The following TSPAN32 variants were observed in gnomAD, a reference collection of about 807,000 sequenced individuals.
The protein encoded by TSPAN32 is tetraspanin 32.
TSPAN32 carries 47 observed loss-of-function variants against 42.7 expected under a neutral mutation model. The ratio of observed to expected loss-of-function variants is 1.10; its 90% CI spans 0.87 to 1.40. The LOEUF is 1.40. Among genes scored for constraint, TSPAN32 ranks in the 40% most tolerant of loss-of-function variants. TSPAN32 has a pLI of 0.00. For synonymous variants in TSPAN32, 175 were observed against 175.9 expected, an observed-to-expected ratio of 0.99 and a Z score of 0.04; for missense variants, 469 against 424.1, an observed-to-expected ratio of 1.11 and a Z score of -0.93.
Position 2,313,100 on chromosome 11 carries a change from T to A in TSPAN32, c.355-554T>A, listed in dbSNP as rs903929603. ...ACCTTCTTCACCCCCTGCCCCACAG[T>A]GGCCTCGTCCACCCAGATCTGGCCT... On this transcript the variant is annotated intron_variant, in intron 4 of 9. Transcript: ENST00000182290. This position sits in a 1 kb window ranked among gnomAD's most constrained non-coding sequence, Gnocchi z 9.1. Among the ~76,000 whole-genome samples, 1 of 152,162 alleles carries A rather than the reference T, an allele frequency of 6.6e-6. No homozygotes were observed. Among genetic ancestry groups the A allele is most frequent in the Non-Finnish European group, 1.5e-5 (1 of 68,016 alleles).
intron 6 of TSPAN32, chr11:2,314,896 C>T: frequency 2.5e-6 from 1 of 395,726 alleles, no homozygotes; most frequent in Non-Finnish European, 4.7e-6. Flanking sequence ...GCTAAGTCCA[C>T]AGAAGCCTCT....
intron 3 of TSPAN32, among the ~76,000 whole-genome samples, chr11:2,308,319 T>A (rs1323419475): frequency 6.6e-6 from 1 of 151,964 alleles, no homozygotes; most frequent in African/African-American, 2.4e-5. Flanking sequence ...AGCATCCTGC[T>A]GGGGGCGCAG....
At chr11:2,303,654 G>A (rs1847900227) in intron 2 of TSPAN32, among the ~76,000 whole-genome samples, 1 of 152,108 alleles carries the variant, frequency 6.6e-6, no homozygotes, top group Non-Finnish European at 1.5e-5. Context: ...TTTTCCCCAA[G>A]TCCTAGGACC....
chr11:2,317,467 G>C lies in TSPAN32; in HGVS notation c.843G>C (p.Trp281Cys). 1 of 1,600,842 alleles carries C rather than the reference G, an allele frequency of 6.2e-7. No individual in the cohort carries two copies. The highest frequency in any genetic ancestry group is 1.1e-5 in the South Asian group (1 of 88,938). Residue 281 changes from tryptophan to cysteine, a missense_variant, in exon 9 of 10, where the codon TGG becomes TGC. Trp to Cys is a radical substitution (Grantham distance 215). Transcript: ENST00000182290. This position sits in a 1 kb window ranked among gnomAD's most constrained non-coding sequence, Gnocchi z 6.2. ...GAGGATGCTCGGGTAGTCTTCGGTG[G>C]CTGCAGGAGAGCGATGCTGCGCCTC... ...GPRGCSGSLR[W>C]LQESDAAPLP...
At position 2,302,109 on chromosome 11, in the gene TSPAN32, G is replaced by C. The variant is rs1306789663; in HGVS notation, c.-41G>C. On this transcript the variant is annotated 5_prime_UTR_variant, in exon 1 of 10. Transcript: ENST00000182290. ...CCCCTGCCCAGCTGGAAACCACAGG[G>C]AGGGGAAGGGAGGGGAGGAGAGGAG... is the stretch of plus-strand genomic sequence containing the variant. The C allele has an allele frequency of 6.7e-7, 1 of 1,485,812 alleles. No individual in the cohort carries two copies. The highest frequency in any genetic ancestry group is 2.4e-5 in the East Asian group (1 of 42,102). 92.0% of individuals were successfully genotyped at this position (1,485,812 alleles called of 1,614,324 possible). A position where few individuals can be genotyped will look rare whatever the true frequency, so the allele number is the denominator to read the frequency against.
chr11:2,314,836 C>T (rs111562137), intron 6 of TSPAN32: 15 of 509,834 alleles, frequency 2.9e-5, no homozygotes, highest in Non-Finnish European at 3.9e-5. Context: ...AGGCCCCATG[C>T]GCCATTCACT....
intron 4 of TSPAN32, among the ~76,000 whole-genome samples, chr11:2,311,032 G>A (rs576261484): frequency 1.2e-4 from 18 of 152,356 alleles, no homozygotes; most frequent in African/African-American, 3.6e-4. Flanking sequence ...CACCGGAAAC[G>A]TCGAGGTGAG....
At chr11:2,316,401 C>T (rs777439512) in intron 7 of TSPAN32, 89 bp downstream of exon 7, 8 of 1,544,718 alleles carry the variant, frequency 5.2e-6, no homozygotes, top group Non-Finnish European at 7.0e-6. Context: ...TGACCCGGGA[C>T]AGGATCTCTG....
intron 3 of TSPAN32, among the ~76,000 whole-genome samples, chr11:2,307,575 T>A (rs989054607): frequency 6.6e-6 from 1 of 152,140 alleles, no homozygotes; most frequent in South Asian, 2.1e-4. Context: ...GTTCTTAGCC[T>A]GGGTGACCTC....
intron 3 of TSPAN32, among the ~76,000 whole-genome samples, chr11:2,305,279 C>T (rs1848007474): frequency 1.3e-5 from 2 of 152,072 alleles, no homozygotes; most frequent in African/African-American, 2.4e-5. Context: ...CCGGGGCACA[C>T]GAGCATGGGC....
At chr11:2,314,680 C>T (rs866731725) in intron 6 of TSPAN32, 109 bp downstream of exon 6, 20 of 869,480 alleles carry the variant, frequency 2.3e-5, no homozygotes, top group Middle Eastern at 3.4e-4. Context: ...CTTGGCCTCC[C>T]CAGACCCTTG....
At chr11:2,305,470 G>A (rs760640687) in intron 3 of TSPAN32, among the ~76,000 whole-genome samples, 13 of 152,206 alleles carry the variant, frequency 8.5e-5, no homozygotes, top group Non-Finnish European at 1.3e-4. Context: ...AGAGCTGGAG[G>A]CCCAGAAAGA....
chr11:2,314,036 G>A (rs140613075), intron 5 of TSPAN32, among the ~76,000 whole-genome samples: 6 of 152,050 alleles, frequency 3.9e-5, no homozygotes, highest in East Asian at 3.9e-4. Flanking sequence ...AAGCAAATAC[G>A]GGGCCGAACA....
At chr11:2,316,131 C>T (rs1477322242) in intron 6 of TSPAN32, 98 bp from the exon 7 acceptor site, 2 of 1,519,574 alleles carry the variant, frequency 1.3e-6, no homozygotes, top group East Asian at 2.5e-5. Flanking sequence ...CTGGCATTGG[C>T]CTAGGTGGGC....
At chr11:2,309,304 C>A (rs1307696483) in intron 4 of TSPAN32, 1 of 463,164 alleles carries the variant, frequency 2.2e-6, no homozygotes, top group Admixed American at 2.4e-5. Context: ...GCAGCCTCCA[C>A]CCCCTCCACG....
chr11:2,315,974 TGGGAGACGGCACCGGCC>T, intron 6 of TSPAN32: 1 of 1,532,292 alleles, frequency 6.5e-7, no homozygotes, highest in South Asian at 1.2e-5. Flanking sequence ...TCAGGACAGC[TGGGAGACGGCACCGGCC>T]GGGCCCAGGG....
At chr11:2,316,782 ACTGTAGAGGAAACG>A in intron 8 of TSPAN32, 115 bp downstream of exon 8, 1 of 1,165,634 alleles carries the variant, frequency 8.6e-7, no homozygotes. Flanking sequence ...CCAGGCTGAC[ACTGTAGAGGAAACG>A]CTTTGGGGGT....
Position 2,316,648 on chromosome 11 carries a change from A to G in TSPAN32, c.700A>G (p.Lys234Glu). 2.0e-6 allele frequency: 3 copies of G among 1,537,812 alleles called. No homozygotes were observed. Among genetic ancestry groups the G allele is most frequent in the Non-Finnish European group, 2.6e-6 (3 of 1,140,270 alleles). Residue 234 changes from lysine (K) to glutamate (E), a missense_variant, in exon 8 of 10, where the codon AAA becomes GAA. Physicochemically the swap from Lys to Glu is moderately conservative, Grantham distance 56 (BLOSUM62 1). Transcript: ENST00000182290. Reference protein sequence around the residue: ...RCGCSLDRKGKYTLTPRACGR... With the variant: ...RCGCSLDRKGEYTLTPRACGR... ...TGGCTGCAGCTTGGACCGCAAGGGC[A>G]AATACACCCTGACCCCACGGTAGGG... is the stretch of plus-strand genomic sequence containing the variant.
intron 3 of TSPAN32, among the ~76,000 whole-genome samples, chr11:2,307,494 CCA>C (rs1848186716): frequency 6.6e-6 from 1 of 152,114 alleles, no homozygotes; most frequent in African/African-American, 2.4e-5. Flanking sequence ...GTCAGGTACT[CCA>C]GGTCCTCAGG....
Sources: gnomAD v4.1 joint callset for allele counts (sites outside exome capture counted in the v4.1 genomes callset) on GRCh38, gnomAD v4.1.1 for gene constraint, Gnocchi (gnomAD v3.1) non-coding constraint, MANE v1.5 for transcripts, NCBI Gene and HGNC (gene_info 2026-07-23, HGNC 2026-07-21) for gene names.